PPP2R2C: variants seen among roughly 807,000 people sequenced by gnomAD.
PPP2R2C encodes protein phosphatase 2 regulatory subunit Bgamma.
In PPP2R2C, 10 loss-of-function variants were observed where a neutral mutation model predicts 45.3. That is an observed-to-expected ratio of 0.22 (90% CI 0.14 to 0.37). PPP2R2C has a LOEUF of 0.37. Among genes scored for constraint, PPP2R2C ranks in the 10% least tolerant of loss-of-function variants. The pLI is 1.00. For missense variants in PPP2R2C, 308 were observed against 619.7 expected (o/e 0.50, Z 5.34); for synonymous variants, 257 against 245.4 (o/e 1.05, Z -0.44).
At chr4:6,554,926 GGAAGGAAA>G (rs1239086605) in intron 1 of PPP2R2C, among the ~76,000 whole-genome samples, 1,035 of 94,906 alleles carry the variant, frequency 0.011, 6 homozygotes, top group Non-Finnish European at 0.016. Context: ...AAGGAAGGAA[GGAAGGAAA>G]GAAAGAAAGA....
intron 1 of PPP2R2C, among the ~76,000 whole-genome samples, chr4:6,415,321 G>A (rs1359003095): frequency 6.6e-6 from 1 of 152,118 alleles, no homozygotes; most frequent in African/African-American, 2.4e-5. Flanking sequence ...ATTTGCATTT[G>A]GCAGACATTT....
chr4:6,428,704 T>G (rs1319675175), intron 1 of PPP2R2C, among the ~76,000 whole-genome samples: 3 of 152,216 alleles, frequency 2.0e-5, no homozygotes, highest in Non-Finnish European at 4.4e-5. Flanking sequence ...AACAGTGACA[T>G]TGGGATACCA....
intron 5 of PPP2R2C, chr4:6,350,653 C>A (rs1712462555): frequency 1.1e-6 from 1 of 914,348 alleles, no homozygotes; most frequent in South Asian, 5.5e-5. Context: ...GTTCTCTGAA[C>A]ATTCCAGGTT....
At chr4:6,508,014 C>T (rs1399757295) in intron 2 of PPP2R2C, among the ~76,000 whole-genome samples, 1 of 152,104 alleles carries the variant, frequency 6.6e-6, no homozygotes, top group African/African-American at 2.4e-5. Flanking sequence ...TGACACATGC[C>T]CGTGGTCTCA....
At chr4:6,381,863 T>C in intron 1 of PPP2R2C, 4 of 1,612,350 alleles carry the variant, frequency 2.5e-6, no homozygotes, top group Non-Finnish European at 3.4e-6. Flanking sequence ...GCCCCACTTT[T>C]TGCATGTGGG....
At chr4:6,399,253 G>T (rs1458466907) in intron 1 of PPP2R2C, among the ~76,000 whole-genome samples, 1 of 152,304 alleles carries the variant, frequency 6.6e-6, no homozygotes, top group African/African-American at 2.4e-5. Context: ...ATTGTACTTA[G>T]TAAAGCTTTG....
intron 2 of PPP2R2C, among the ~76,000 whole-genome samples, chr4:6,494,376 C>G (rs1421442393): frequency 6.6e-6 from 1 of 152,132 alleles, no homozygotes; most frequent in African/African-American, 2.4e-5. Context: ...CACATTGGAC[C>G]CTCTAACACA....
chr4:6,537,971 G>C, intron 1 of PPP2R2C, among the ~76,000 whole-genome samples: 1 of 152,184 alleles, frequency 6.6e-6, no homozygotes, highest in East Asian at 1.9e-4. Context: ...GGGGTTACCA[G>C]GGCTGGGGTT....
At chr4:6,492,023 C>T (rs75166741) in intron 2 of PPP2R2C, among the ~76,000 whole-genome samples, 4,585 of 152,250 alleles carry the variant, frequency 0.03, 232 homozygotes, top group African/African-American at 0.1. Flanking sequence ...CTCCAGGGAC[C>T]GGTAACACCA....
intron 6 of PPP2R2C, among the ~76,000 whole-genome samples, chr4:6,335,254 T>G (rs1029367556): frequency 4.6e-5 from 7 of 152,182 alleles, no homozygotes; most frequent in African/African-American, 1.7e-4. Context: ...CAGCAAGTGC[T>G]GGGGAGGAAG....
chr4:6,366,599 G>A (rs1026526441), intron 5 of PPP2R2C, among the ~76,000 whole-genome samples: 27 of 152,312 alleles, frequency 1.8e-4, no homozygotes, highest in African/African-American at 6.3e-4. Flanking sequence ...GGCTTAGAGG[G>A]GCTCTGACCA....
chr4:6,453,285 G>C (rs1720837552), intron 1 of PPP2R2C, among the ~76,000 whole-genome samples: 1 of 152,170 alleles, frequency 6.6e-6, no homozygotes, highest in Non-Finnish European at 1.5e-5. Context: ...AGGATGGCCA[G>C]AGTCCCTCTC....
chr4:6,468,914 C>T (rs11732798), intron 1 of PPP2R2C, among the ~76,000 whole-genome samples: 76,407 of 150,294 alleles, frequency 0.51, 20,742 homozygotes, highest in East Asian at 0.65. Flanking sequence ...GGGTCCAGGG[C>T]CCAGGGCCCA....
In PPP2R2C at chr4:6,422,399, G is replaced by A. The variant is rs114620267; in HGVS notation, c.71-41305C>T. On this transcript the variant is annotated intron_variant, in intron 1 of 8. Coordinates refer to ENST00000382599, the MANE Select transcript of PPP2R2C (RefSeq NM_020416.4). The stretch of plus-strand genomic sequence containing the variant: ...CGAGTTCACCTCTCTGAGCCTCAGC[G>A]TCCTCATTTTTTTATATGGGGGAAA... 3.7e-3 allele frequency among the ~76,000 whole-genome samples: 570 copies of A among 152,334 alleles called. 3 individuals carry two copies. Among genetic ancestry groups the A allele is most frequent in the African/African-American group, 0.013 (550 of 41,574 alleles).
At chr4:6,453,006 G>C (rs536434818) in intron 1 of PPP2R2C, among the ~76,000 whole-genome samples, 3 of 152,330 alleles carry the variant, frequency 2.0e-5, no homozygotes, top group Non-Finnish European at 2.9e-5. Context: ...GATCAGGATA[G>C]AGCAGAACAT....
rs1721164205 is a variant in PPP2R2C at position 6,458,539 on chromosome 4, C to A, written c.70+13621G>T. 3.3e-5 allele frequency among the ~76,000 whole-genome samples: 5 copies of A among 152,194 alleles called. No individual in the cohort carries two copies. The South Asian group carries it at 1.0e-3, about 32-fold the overall frequency. On this transcript the variant is annotated intron_variant, in intron 1 of 8. Coordinates refer to ENST00000382599, the MANE Select transcript of PPP2R2C (RefSeq NM_020416.4). Reference sequence around the variant, plus strand: ...TCCCAAAGTCCCCACCTTTTAAATACCCTCACATTGGGGGTCTGGATTTCA... The same window carrying A: ...TCCCAAAGTCCCCACCTTTTAAATAACCTCACATTGGGGGTCTGGATTTCA...
chr4:6,460,150 G>A (rs991822319), intron 1 of PPP2R2C, among the ~76,000 whole-genome samples: 2 of 152,158 alleles, frequency 1.3e-5, no homozygotes, highest in African/African-American at 4.8e-5. Flanking sequence ...GCTGAAATGT[G>A]CCCCCTCCCC....
At chr4:6,395,953 C>A (rs1717002393) in intron 1 of PPP2R2C, among the ~76,000 whole-genome samples, 1 of 152,168 alleles carries the variant, frequency 6.6e-6, no homozygotes, top group African/African-American at 2.4e-5. Context: ...TCTGCTTGAG[C>A]CACCAGGCAG....
At chr4:6,551,581 G>C (rs773527084) in intron 1 of PPP2R2C, among the ~76,000 whole-genome samples, 4 of 152,192 alleles carry the variant, frequency 2.6e-5, no homozygotes, top group Non-Finnish European at 5.9e-5. Context: ...CCAAAAGCTG[G>C]GCATCAAAGG....
Sources: gnomAD v4.1 joint callset for allele counts (sites outside exome capture counted in the v4.1 genomes callset) on GRCh38, gnomAD v4.1.1 for gene constraint, MANE v1.5 for transcripts, NCBI Gene and HGNC (gene_info 2026-07-23, HGNC 2026-07-21) for gene names.